Variants in CADPS2 observed in about 807,000 individuals in gnomAD.
CADPS2 encodes calcium-dependent secretion activator 2.
A neutral mutation model predicts 172.5 loss-of-function variants in CADPS2; 93 were observed. That is an observed-to-expected ratio of 0.54 (90% confidence interval 0.46 to 0.64). The LOEUF is 0.64. Ranked by LOEUF, CADPS2 falls within the 30% of genes least tolerant of loss-of-function variation. The pLI is 0.00. For missense variants in CADPS2, 1,420 were observed against 1,565.9 expected (o/e 0.91, Z 1.57); for synonymous variants, 546 against 555.2 (o/e 0.98, Z 0.23).
At chr7:122,591,905 A>G (rs890993943) in intron 6 of CADPS2, among the ~76,000 whole-genome samples, 3 of 152,286 alleles carry the variant, frequency 2.0e-5, no homozygotes, top group Non-Finnish European at 4.4e-5. Context: ...CCTAGGAAAT[A>G]CCATTCAGGA....
At chr7:122,387,331 T>C (rs2043816609) in intron 23 of CADPS2, among the ~76,000 whole-genome samples, 158 bp from the exon 24 acceptor site, 1 of 152,062 alleles carries the variant, frequency 6.6e-6, no homozygotes, top group Admixed American at 6.6e-5. Context: ...GGGATGCTTT[T>C]CTTTTCAAGT....
At position 122,562,388 on chromosome 7, in the gene CADPS2, G is replaced by C. The variant is rs982457693; in HGVS notation, c.1336-7699C>G. 5.3e-5 allele frequency among the ~76,000 whole-genome samples: 8 copies of C among 152,268 alleles called. No individual in the cohort carries two copies. The East Asian group carries it at 5.8e-4, about 11-fold the overall frequency. ...CCATTACTAGCTTCATAATTGAAGA[G>C]AGAAACAAGTCAAAGAATGTAGGCA... On this transcript the variant is annotated intron_variant, in intron 7 of 29. Coordinates refer to ENST00000449022, the MANE Select transcript of CADPS2 (RefSeq NM_017954.11).
chr7:122,612,162 CT>C (rs2074376872), intron 6 of CADPS2, among the ~76,000 whole-genome samples: 1 of 151,836 alleles, frequency 6.6e-6, no homozygotes, highest in Non-Finnish European at 1.5e-5. Context: ...ACCAACATGC[CT>C]TTTCTTACCA....
chr7:122,531,613 A>C lies in CADPS2; in HGVS notation c.1476-18298T>G, dbSNP rs777969057. Among the ~76,000 whole-genome samples the C allele has an allele frequency of 5.3e-5, 8 of 152,202 alleles. No homozygotes were observed. The East Asian group carries it at 1.5e-3, about 29-fold the overall frequency. On this transcript the variant is annotated intron_variant, in intron 8 of 29. Transcript: ENST00000449022. ...AGTTGAGTCTCAATCAGTTTTTTCT[A>C]ATTGTAAATGGAGATAACGATTGGT...
At chr7:122,853,420 G>C (rs1353551277) in intron 1 of CADPS2, among the ~76,000 whole-genome samples, 1 of 152,180 alleles carries the variant, frequency 6.6e-6, no homozygotes, top group Non-Finnish European at 1.5e-5. Context: ...GTTCGCACCA[G>C]GCAGCTCCCT....
intron 2 of CADPS2, among the ~76,000 whole-genome samples, chr7:122,664,064 CAAAAAAAAAA>C (rs541690772): frequency 1.2e-5 from 1 of 84,882 alleles, no homozygotes; most frequent in Admixed American, 1.3e-4. Context: ...TGTTTATAAG[CAAAAAAAAAA>C]AAAAAAAAAA....
intron 9 of CADPS2, 95 bp from the exon 10 acceptor site, chr7:122,491,515 AAT>A: frequency 1.7e-6 from 1 of 586,602 alleles, no homozygotes; most frequent in East Asian, 3.1e-5. Context: ...CCCAATTAAA[AAT>A]ATAACATAAT....
chr7:122,815,295 T>A (rs1801040810), intron 1 of CADPS2, among the ~76,000 whole-genome samples: 3 of 152,168 alleles, frequency 2.0e-5, no homozygotes. Context: ...AACAAAAATG[T>A]TAGCTAATTT....
At chr7:122,705,206 A>G (rs1169756058) in intron 2 of CADPS2, among the ~76,000 whole-genome samples, 1 of 151,712 alleles carries the variant, frequency 6.6e-6, no homozygotes, top group Admixed American at 6.6e-5. Flanking sequence ...CAAATTGCAT[A>G]TATTTTATCA....
rs572831710 is a variant in CADPS2 at position 122,547,791 on chromosome 7, G to C, written c.1475+6759C>G. On this transcript the variant is annotated intron_variant, in intron 8 of 29. Transcript: ENST00000449022. ...GGAAGCAGAGAGAGAAGGGTTCTTTGTAGGGTGAACAGGATGGGCTGCTGT... is the reference window on the plus strand; with the variant it reads ...GGAAGCAGAGAGAGAAGGGTTCTTTCTAGGGTGAACAGGATGGGCTGCTGT... 1.1e-4 allele frequency among the ~76,000 whole-genome samples: 17 copies of C among 152,232 alleles called. No individual in the cohort carries two copies. In the South Asian group the frequency reaches 2.9e-3, roughly 26 times the overall value.
At chr7:122,328,263 G>A (rs567895710) in intron 28 of CADPS2, among the ~76,000 whole-genome samples, 1 of 152,082 alleles carries the variant, frequency 6.6e-6, no homozygotes, top group African/African-American at 2.4e-5. Context: ...TTTGAGTACT[G>A]AATATGGTAG....
intron 3 of CADPS2, among the ~76,000 whole-genome samples, chr7:122,640,839 C>A (rs2134495678): frequency 6.6e-6 from 1 of 150,742 alleles, no homozygotes; most frequent in East Asian, 2.0e-4. Context: ...GAGGCTGAGG[C>A]AGAAGAATGG....
At chr7:122,782,732 T>C (rs1362930866) in intron 1 of CADPS2, among the ~76,000 whole-genome samples, 1 of 152,238 alleles carries the variant, frequency 6.6e-6, no homozygotes, top group African/African-American at 2.4e-5. Flanking sequence ...TTTGGTCATC[T>C]GAACCAAATG....
In CADPS2 at chr7:122,845,346, G is replaced by A. The variant is rs1207184808; in HGVS notation, c.339+40653C>T. Reference sequence around the variant, plus strand: ...TGCCTAGCATGAGATGGTCTCAAAAGAAAATGGGTAAAGGTTTGATGTCAG... The same window carrying A: ...TGCCTAGCATGAGATGGTCTCAAAAAAAAATGGGTAAAGGTTTGATGTCAG... On this transcript the variant is annotated intron_variant, in intron 1 of 29. Transcript: ENST00000449022. Among the ~76,000 whole-genome samples the A allele has an allele frequency of 4.6e-5, 7 of 152,076 alleles. No individual in the cohort carries two copies. In the South Asian group the frequency reaches 1.5e-3, roughly 32 times the overall value.
intron 6 of CADPS2, among the ~76,000 whole-genome samples, chr7:122,584,195 G>T (rs970118905): frequency 1.3e-5 from 2 of 151,774 alleles, no homozygotes; most frequent in African/African-American, 4.8e-5. Flanking sequence ...ATAATTATCT[G>T]TTCCTATAAC....
intron 1 of CADPS2, among the ~76,000 whole-genome samples, chr7:122,861,120 G>A (rs960611404): frequency 1.3e-5 from 2 of 152,130 alleles, no homozygotes; most frequent in Admixed American, 1.3e-4. Flanking sequence ...TAGATACCCA[G>A]TAGTTGATTA....
intron 1 of CADPS2, among the ~76,000 whole-genome samples, chr7:122,871,359 T>C (rs1342667997): frequency 2.0e-5 from 3 of 152,008 alleles, no homozygotes; most frequent in Admixed American, 6.6e-5. Context: ...TTGATCTCAG[T>C]TGTACCACAT....
intron 2 of CADPS2, among the ~76,000 whole-genome samples, chr7:122,665,347 T>A (rs953140085): frequency 2.0e-5 from 3 of 152,164 alleles, no homozygotes; most frequent in African/African-American, 7.2e-5. Context: ...GTTTCCTATC[T>A]TTACTCAATG....
chr7:122,842,574 A>G (rs1294648415), intron 1 of CADPS2, among the ~76,000 whole-genome samples: 1 of 152,206 alleles, frequency 6.6e-6, no homozygotes, highest in Non-Finnish European at 1.5e-5. Flanking sequence ...TAATACAGAA[A>G]TGATCATTAA....
Sources: allele counts gnomAD v4.1 joint callset (sites outside exome capture counted in the v4.1 genomes callset), GRCh38; gene constraint gnomAD v4.1.1; transcripts MANE v1.5; gene names NCBI Gene and HGNC (gene_info 2026-07-23, HGNC 2026-07-21).